The following CACNB2 variants were observed in gnomAD, a reference collection of about 807,000 sequenced individuals.
CACNB2 encodes the protein voltage-dependent L-type calcium channel subunit beta-2.
CACNB2 carries 42 observed loss-of-function variants against 73.3 expected under a neutral mutation model. That is an observed-to-expected ratio of 0.57 (90% confidence interval 0.45 to 0.74). The LOEUF (loss-of-function observed/expected upper bound fraction) is 0.74, where lower values mean the gene tolerates loss of function less well. Among genes scored for constraint, CACNB2 ranks in the 30% least tolerant of loss-of-function variants. The pLI is 0.00. For synonymous variants in CACNB2, 348 were observed against 310.3 expected, an observed-to-expected ratio of 1.12 and a Z score of -1.28; for missense variants, 940 against 853.0, an observed-to-expected ratio of 1.10 and a Z score of -1.27.
At chr10:18,162,223 A>G (rs1050571929) in intron 2 of CACNB2, among the ~76,000 whole-genome samples, 8 of 152,172 alleles carry the variant, frequency 5.3e-5, no homozygotes, top group African/African-American at 1.7e-4. Context: ...GAGTTCTTGA[A>G]GTTATTACTT....
chr10:18,456,322 G>T (rs942674404), intron 3 of CACNB2, among the ~76,000 whole-genome samples: 6 of 152,078 alleles, frequency 3.9e-5, no homozygotes, highest in African/African-American at 1.4e-4. Context: ...AATTAGCCAG[G>T]TGTGGTGGTA....
intron 2 of CACNB2, among the ~76,000 whole-genome samples, chr10:18,202,194 C>G (rs1331740858): frequency 6.6e-6 from 1 of 152,096 alleles, no homozygotes; most frequent in Non-Finnish European, 1.5e-5. Flanking sequence ...GCTGACAACA[C>G]ACAAAAAGAG....
chr10:18,507,947 T>G (rs1177294356), intron 6 of CACNB2, among the ~76,000 whole-genome samples: 1 of 152,048 alleles, frequency 6.6e-6, no homozygotes, highest in Non-Finnish European at 1.5e-5. Context: ...CTATAGGATT[T>G]TTTTTTTTTA....
intron 5 of CACNB2, among the ~76,000 whole-genome samples, chr10:18,501,554 C>T (rs1222125924): frequency 6.6e-6 from 1 of 152,246 alleles, no homozygotes; most frequent in Non-Finnish European, 1.5e-5. Flanking sequence ...CTGTCCCTCT[C>T]TGAAAGAATC....
intron 2 of CACNB2, among the ~76,000 whole-genome samples, chr10:18,361,090 G>A (rs2042119484): frequency 6.6e-6 from 1 of 151,920 alleles, no homozygotes; most frequent in Non-Finnish European, 1.5e-5. Flanking sequence ...CTAAATGTGT[G>A]TGTTCCCTTA....
At chr10:18,502,920 A>C (rs977581264) in intron 5 of CACNB2, among the ~76,000 whole-genome samples, 6 of 152,000 alleles carry the variant, frequency 3.9e-5, no homozygotes, top group Admixed American at 1.3e-4. Context: ...CATGCAGTTT[A>C]CCTGTGTAAC....
intron 3 of CACNB2, among the ~76,000 whole-genome samples, chr10:18,406,813 T>C (rs1040072591): frequency 2.0e-5 from 3 of 152,144 alleles, no homozygotes; most frequent in Non-Finnish European, 4.4e-5. Context: ...GGTGGAGGAC[T>C]GCTGCCTTAG....
Position 18,518,034 on chromosome 10 carries a change from TTC to T in CACNB2, c.805-298_805-297del, listed in dbSNP as rs146185723. 1.5e-4 allele frequency among the ~76,000 whole-genome samples: 23 copies of T among 152,326 alleles called. No homozygotes were observed. The East Asian group carries it at 4.4e-3, about 29-fold the overall frequency. ...AGCACCTATCTTGCATGAGGCATGT[TTC>T]TCTTTGTTCTGTCAACTAGTTTTTG... On this transcript the variant is annotated intron_variant, in intron 7 of 13. Coordinates refer to ENST00000324631, the MANE Select transcript of CACNB2 (RefSeq NM_201596.3).
chr10:18,343,560 A>T (rs1402611947), intron 2 of CACNB2, among the ~76,000 whole-genome samples: 1 of 152,218 alleles, frequency 6.6e-6, no homozygotes, highest in African/African-American at 2.4e-5. Flanking sequence ...GAATATAATT[A>T]TATGGATGGC....
chr10:18,160,974 T>C (rs1160423371), intron 2 of CACNB2, among the ~76,000 whole-genome samples: 1 of 152,204 alleles, frequency 6.6e-6, no homozygotes, highest in Non-Finnish European at 1.5e-5. Flanking sequence ...ACCAAGCATG[T>C]GTGTCTGTTA....
chr10:18,515,835 CCT>C lies in CACNB2; in HGVS notation c.804+1467_804+1468del, dbSNP rs561411419. Among the ~76,000 whole-genome samples, 260 of 152,282 alleles carry C rather than the reference CCT, an allele frequency of 1.7e-3. 1 individual carries two copies. Among genetic ancestry groups the C allele is most frequent in the Middle Eastern group, 3.4e-3 (1 of 294 alleles). On this transcript the variant is annotated intron_variant, in intron 7 of 13. Coordinates refer to ENST00000324631, the MANE Select transcript of CACNB2 (RefSeq NM_201596.3). ...ACGGAGCAGGAATGTGAGCTAAAAC[CCT>C]GTTTGTCAAGATAGGTTTGTGAAGT...
At chr10:18,202,554 T>TA (rs2034927077) in intron 2 of CACNB2, among the ~76,000 whole-genome samples, 1 of 152,202 alleles carries the variant, frequency 6.6e-6, no homozygotes, top group South Asian at 2.1e-4. Context: ...AAAGCAAGGA[T>TA]AATAATACAC....
At chr10:18,383,179 G>A (rs2043088431) in intron 2 of CACNB2, among the ~76,000 whole-genome samples, 1 of 152,198 alleles carries the variant, frequency 6.6e-6, no homozygotes. Flanking sequence ...ACTTTATTCT[G>A]TTAGCTACAA....
chr10:18,407,987 ATATT>A (rs1447845793), intron 3 of CACNB2, among the ~76,000 whole-genome samples: 8 of 152,080 alleles, frequency 5.3e-5, no homozygotes, highest in Non-Finnish European at 8.8e-5. Context: ...TCTAATGACT[ATATT>A]TATTATTTCA....
chr10:18,348,889 T>C (rs2041586494), intron 2 of CACNB2, among the ~76,000 whole-genome samples: 1 of 151,982 alleles, frequency 6.6e-6, no homozygotes, highest in African/African-American at 2.4e-5. Context: ...GAGGCCAAGG[T>C]GGGAAGATCG....
chr10:18,294,839 A>G (rs2039211614), intron 2 of CACNB2, among the ~76,000 whole-genome samples: 1 of 152,164 alleles, frequency 6.6e-6, no homozygotes, highest in South Asian at 2.1e-4. Flanking sequence ...GTAGTTCTTC[A>G]TGGGGGATTC....
At chr10:18,400,640 GTTTTT>G (rs34680296) in intron 2 of CACNB2, 25 of 935,512 alleles carry the variant, frequency 2.7e-5, no homozygotes, top group Non-Finnish European at 3.0e-5. Flanking sequence ...TTTTGCACTA[GTTTTT>G]TTTTTTTTTT....
intron 2 of CACNB2, among the ~76,000 whole-genome samples, chr10:18,169,754 C>G (rs2033103342): frequency 1.3e-5 from 2 of 152,154 alleles, no homozygotes; most frequent in Admixed American, 1.3e-4. Flanking sequence ...TCACATCCTT[C>G]CCCCAGAATT....
At chr10:18,261,305 A>G (rs1202207286) in intron 2 of CACNB2, 1 of 1,551,548 alleles carries the variant, frequency 6.4e-7, no homozygotes, top group East Asian at 2.4e-5. Context: ...GCCGGCGAGT[A>G]CGGGTGTCCT....
Sources: gnomAD v4.1 joint callset for allele counts (sites outside exome capture counted in the v4.1 genomes callset) on GRCh38, gnomAD v4.1.1 for gene constraint, MANE v1.5 for transcripts, NCBI Gene and HGNC (gene_info 2026-07-23, HGNC 2026-07-21) for gene names.